The following ITPRID1 variants were observed in gnomAD, a reference collection of about 807,000 sequenced individuals.
ITPRID1 encodes the protein ITPR interacting domain containing 1.
Under a neutral mutation model 95.4 loss-of-function variants are expected in ITPRID1, and 96 were observed. The ratio of observed to expected loss-of-function variants is 1.01; its 90% CI spans 0.85 to 1.19. The LOEUF (loss-of-function observed/expected upper bound fraction) is 1.19, where lower values mean the gene tolerates loss of function less well. Among genes scored for constraint, ITPRID1 ranks in the 50% most tolerant of loss-of-function variants. ITPRID1 has a pLI of 0.00. For synonymous variants in ITPRID1, 510 were observed against 453.6 expected, an observed-to-expected ratio of 1.12 and a Z score of -1.58; for missense variants, 1,339 against 1,252.9, an observed-to-expected ratio of 1.07 and a Z score of -1.04.
At chr7:31,613,063 T>C (rs994103240) in intron 10 of ITPRID1, among the ~76,000 whole-genome samples, 1 of 152,158 alleles carries the variant, frequency 6.6e-6, no homozygotes, top group Non-Finnish European at 1.5e-5. Flanking sequence ...CCAGAGAGCT[T>C]CCAGATAGGC....
intron 10 of ITPRID1, 25 bp from the exon 11 acceptor site, chr7:31,642,151 C>T (rs10239388): frequency 0.77 from 1,180,593 of 1,532,236 alleles, 457,262 homozygotes; most frequent in East Asian, 0.87. Flanking sequence ...CCTTTAATAA[C>T]CTCAAGACCT....
chr7:31,552,631 A>G (rs1784318055), intron 2 of ITPRID1, among the ~76,000 whole-genome samples: 1 of 152,142 alleles, frequency 6.6e-6, no homozygotes, highest in African/African-American at 2.4e-5. Flanking sequence ...TTGGGCCTCA[A>G]AAATAATTTT....
chr7:31,577,333 C>T (rs943960882), intron 8 of ITPRID1, among the ~76,000 whole-genome samples: 1 of 152,158 alleles, frequency 6.6e-6, no homozygotes, highest in Admixed American at 6.6e-5. Context: ...TTATTTTATT[C>T]TGAGCTCAAA....
At chr7:31,521,325 A>T (rs1310332624) in intron 1 of ITPRID1, among the ~76,000 whole-genome samples, 2 of 152,130 alleles carry the variant, frequency 1.3e-5, no homozygotes, top group African/African-American at 4.8e-5. Context: ...CTCTTCTTAA[A>T]CACATGTTAT....
At chr7:31,608,894 TTTC>T (rs1298317311) in intron 10 of ITPRID1, among the ~76,000 whole-genome samples, 1 of 151,640 alleles carries the variant, frequency 6.6e-6, no homozygotes, top group African/African-American at 2.4e-5. Flanking sequence ...ACATCCTTAT[TTTC>T]TTCTTAATTT....
intron 10 of ITPRID1, among the ~76,000 whole-genome samples, chr7:31,630,036 T>C (rs942279669): frequency 1.3e-5 from 2 of 152,086 alleles, no homozygotes; most frequent in South Asian, 2.1e-4. Flanking sequence ...GATTATATCA[T>C]AGAAAGCTGA....
At chr7:31,594,699 A>G (rs2128156329) in intron 10 of ITPRID1, among the ~76,000 whole-genome samples, 1 of 152,178 alleles carries the variant, frequency 6.6e-6, no homozygotes, top group East Asian at 1.9e-4. Context: ...TCTACTAAAA[A>G]TACAAAAATT....
chr7:31,599,662 T>TTCTTTCTCTCTCTCTC (rs1369270186), intron 10 of ITPRID1, among the ~76,000 whole-genome samples: 1 of 31,354 alleles, frequency 3.2e-5, no homozygotes, highest in African/African-American at 7.5e-5. Context: ...TTTCTTTCCT[T>TTCTTTCTCTCTCTCTC]TCTCTCTCTC....
chr7:31,553,003 T>G lies in ITPRID1; in HGVS notation c.-22T>G. The G allele has an allele frequency of 6.2e-7, 1 of 1,602,796 alleles. No homozygotes were observed. The highest frequency in any genetic ancestry group is 1.1e-5 in the South Asian group (1 of 88,934). On this transcript the variant is annotated splice_region_variant and 5_prime_UTR_variant, in exon 3 of 15. Coordinates refer to ENST00000615280, the MANE Select transcript of ITPRID1 (RefSeq NM_001257967.3). Reference sequence around the variant, plus strand: ...TTGTTTGTGTGTGTGTGTTTTAAGTTAGTTTGCAGAATTACTCTCCTATGA... The same window carrying G: ...TTGTTTGTGTGTGTGTGTTTTAAGTGAGTTTGCAGAATTACTCTCCTATGA...
chr7:31,593,341 G>C (rs1319952399), intron 10 of ITPRID1, among the ~76,000 whole-genome samples: 1 of 152,012 alleles, frequency 6.6e-6, no homozygotes, highest in Non-Finnish European at 1.5e-5. Flanking sequence ...AAACAATCAT[G>C]CATCATTACA....
At chr7:31,604,746 T>C (rs892859509) in intron 10 of ITPRID1, among the ~76,000 whole-genome samples, 14 of 152,166 alleles carry the variant, frequency 9.2e-5, no homozygotes, top group Non-Finnish European at 1.5e-4. Flanking sequence ...TAACAAGAGA[T>C]GTGTTTCTCA....
chr7:31,579,021 G>C (rs1785301513), intron 9 of ITPRID1, among the ~76,000 whole-genome samples: 1 of 152,174 alleles, frequency 6.6e-6, no homozygotes, highest in Non-Finnish European at 1.5e-5. Context: ...TAGGATGTTA[G>C]TGTGATTTTT....
At chr7:31,516,598 A>AT (rs1222661251) in intron 1 of ITPRID1, among the ~76,000 whole-genome samples, 1 of 151,958 alleles carries the variant, frequency 6.6e-6, no homozygotes. Flanking sequence ...CCAGATTTGA[A>AT]TGTAAGTCTG....
intron 10 of ITPRID1, among the ~76,000 whole-genome samples, chr7:31,616,498 G>C (rs530811635): frequency 1.3e-5 from 2 of 152,214 alleles, no homozygotes; most frequent in Non-Finnish European, 2.9e-5. Context: ...AGGAAGTACA[G>C]TATGGGGGTG....
intron 10 of ITPRID1, among the ~76,000 whole-genome samples, chr7:31,590,896 G>A (rs1412533300): frequency 2.0e-5 from 3 of 152,218 alleles, no homozygotes; most frequent in Non-Finnish European, 4.4e-5. Context: ...TGTATTAGAT[G>A]AAGAAACAAG....
chr7:31,529,027 C>T (rs1260679379), intron 1 of ITPRID1, among the ~76,000 whole-genome samples: 3 of 152,122 alleles, frequency 2.0e-5, no homozygotes, highest in Non-Finnish European at 2.9e-5. Context: ...AGTAGTGTGC[C>T]TACTCATCTT....
chr7:31,572,457 GACATAC>G (rs201486144), intron 7 of ITPRID1, among the ~76,000 whole-genome samples: 3,726 of 152,196 alleles, frequency 0.024, 69 homozygotes, highest in South Asian at 0.062. Flanking sequence ...AGCATAGTCA[GACATAC>G]ACATATTGGC....
At chr7:31,515,186 G>C (rs1783006912) in intron 1 of ITPRID1, among the ~76,000 whole-genome samples, 1 of 151,708 alleles carries the variant, frequency 6.6e-6, no homozygotes, top group Non-Finnish European at 1.5e-5. Context: ...AATTGTTATA[G>C]GAATACCTTT....
At chr7:31,626,803 G>A (rs575340937) in intron 10 of ITPRID1, among the ~76,000 whole-genome samples, 1 of 152,276 alleles carries the variant, frequency 6.6e-6, no homozygotes, top group South Asian at 2.1e-4. Flanking sequence ...AACTTTGAAA[G>A]AGCAGAGGCA....
Sources: gnomAD v4.1 joint callset for allele counts (sites outside exome capture counted in the v4.1 genomes callset) on GRCh38, gnomAD v4.1.1 for gene constraint, MANE v1.5 for transcripts, NCBI Gene and HGNC (gene_info 2026-07-23, HGNC 2026-07-21) for gene names.